The following DOCK5 variants were observed in gnomAD, a reference collection of about 807,000 sequenced individuals.
DOCK5 encodes dedicator of cytokinesis 5.
DOCK5 carries 142 observed loss-of-function variants against 251.8 expected under a neutral mutation model. The observed-to-expected ratio is 0.56, with a 90% CI of 0.49 to 0.65. The LOEUF (loss-of-function observed/expected upper bound fraction) is 0.65, where lower values mean the gene tolerates loss of function less well. Among genes scored for constraint, DOCK5 ranks in the 30% least tolerant of loss-of-function variants. DOCK5 has a pLI of 0.00. For synonymous variants in DOCK5, 842 were observed against 835.5 expected (o/e 1.01, Z -0.13); for missense variants, 2,111 against 2,312.3 (o/e 0.91, Z 1.79).
intron 1 of DOCK5, among the ~76,000 whole-genome samples, chr8:25,227,659 T>C (rs1326305834): frequency 1.3e-5 from 2 of 152,206 alleles, no homozygotes; most frequent in Non-Finnish European, 2.9e-5. Context: ...TGTTCAGTTA[T>C]TTAAAAAAGT....
intron 30 of DOCK5, among the ~76,000 whole-genome samples, chr8:25,365,612 A>G (rs1800762198): frequency 6.6e-6 from 1 of 152,192 alleles, no homozygotes; most frequent in Admixed American, 6.5e-5. Context: ...GTTACACCCT[A>G]TGTAAATGAA....
intron 2 of DOCK5, among the ~76,000 whole-genome samples, chr8:25,261,303 C>T (rs73558480): frequency 0.017 from 2,595 of 152,228 alleles, 94 homozygotes; most frequent in African/African-American, 0.059. Flanking sequence ...TAACTAATTG[C>T]TCACTGGAGA....
At chr8:25,271,173 A>T (rs4506225) in intron 3 of DOCK5, 185,151 of 209,826 alleles carry the variant, frequency 0.88, 83,482 homozygotes, top group Non-Finnish European at 0.96. Context: ...GATTTTTTTT[A>T]AATTTTTTTG....
chr8:25,408,868 C>T lies in DOCK5; in HGVS notation c.5332C>T (p.His1778Tyr). 6.2e-7 allele frequency: 1 copy of T among 1,614,016 alleles called. No homozygotes were observed. The highest frequency in any genetic ancestry group is 8.5e-7 in the Non-Finnish European group (1 of 1,179,888). The change falls in exon 50 of 52, where the codon CAC becomes TAC. Residue 1778 changes from histidine to tyrosine, a missense_variant. Transcript: ENST00000276440. ...QLMDNRLSPF[H>Y]GSSPPQSTPL... ...GATGGATAATCGGCTATCACCATTT[C>T]ACGGTTCTTCACCTCCTCAGTCAAC...
At position 25,374,567 on chromosome 8, in the gene DOCK5, T is replaced by C. The variant is rs1435288760; in HGVS notation, c.3729T>C (p.Tyr1243=). ...TTCCTTCTCCCCTTCTTGCCAGATA[T>C]CTGTACAAGCTTCGAGATTTGCACC... ...EKKREDIYIR[Y]LYKLRDLHRD... Residue 1243 remains tyrosine (Y), a synonymous_variant, in exon 37 of 52, where the codon TAT becomes TAC. Transcript: ENST00000276440. 1 of 1,600,720 alleles carries C rather than the reference T, an allele frequency of 6.2e-7. No individual in the cohort carries two copies. Among genetic ancestry groups the C allele is most frequent in the Non-Finnish European group, 8.5e-7 (1 of 1,176,008 alleles).
chr8:25,244,665 G>A (rs1042325332), intron 2 of DOCK5, among the ~76,000 whole-genome samples: 1 of 152,326 alleles, frequency 6.6e-6, no homozygotes, highest in Middle Eastern at 3.4e-3. Flanking sequence ...CAGGTTCCTA[G>A]GGTGGGATGG....
rs559242077 is a variant in DOCK5 at position 25,328,989 on chromosome 8, T to C, written c.1904-3262T>C. 5.3e-5 allele frequency among the ~76,000 whole-genome samples: 8 copies of C among 152,352 alleles called. No homozygotes were observed. The South Asian group carries it at 1.7e-3, about 32-fold the overall frequency. On this transcript the variant is annotated intron_variant, in intron 18 of 51. Coordinates refer to ENST00000276440, the MANE Select transcript of DOCK5 (RefSeq NM_024940.8). Reference sequence around the variant, plus strand: ...GACTTGTATTTTGAAAGCAGCTCTTTGTAGCTCCAAACAGTTTATAGTTTA... The same window carrying C: ...GACTTGTATTTTGAAAGCAGCTCTTCGTAGCTCCAAACAGTTTATAGTTTA...
At chr8:25,309,182 C>T (rs1051750209) in intron 12 of DOCK5, among the ~76,000 whole-genome samples, 164 of 152,062 alleles carry the variant, frequency 1.1e-3, no homozygotes, top group Non-Finnish European at 5.4e-4. Context: ...ACTCTTTATT[C>T]ATTTATTTAT....
At chr8:25,203,063 A>C (rs779599208) in intron 1 of DOCK5, among the ~76,000 whole-genome samples, 11 of 152,152 alleles carry the variant, frequency 7.2e-5, no homozygotes, top group Non-Finnish European at 1.5e-4. Flanking sequence ...AGTGCTACCA[A>C]ATACATCTCC....
chr8:25,306,913 C>T (rs990100136), intron 11 of DOCK5, among the ~76,000 whole-genome samples: 1 of 152,120 alleles, frequency 6.6e-6, no homozygotes. Context: ...TAGACTACTA[C>T]ACACCTACGC....
chr8:25,289,417 G>C (rs1804426948), intron 5 of DOCK5, among the ~76,000 whole-genome samples: 2 of 151,726 alleles, frequency 1.3e-5, no homozygotes, highest in Non-Finnish European at 2.9e-5. Context: ...CTCCCAAAGT[G>C]CTGGGATTAC....
chr8:25,354,049 CAAACAAAAA>C (rs1346067877), intron 27 of DOCK5, among the ~76,000 whole-genome samples: 13 of 23,262 alleles, frequency 5.6e-4, no homozygotes, highest in Non-Finnish European at 8.7e-4. Context: ...AAAAAAAAAA[CAAACAAAAA>C]AAAAAACGTA....
At chr8:25,221,060 G>A (rs980351907) in intron 1 of DOCK5, among the ~76,000 whole-genome samples, 9 of 152,086 alleles carry the variant, frequency 5.9e-5, no homozygotes, top group African/African-American at 2.2e-4. Flanking sequence ...TCTCCAGTCT[G>A]TCCCTAACTG....
intron 46 of DOCK5, 116 bp downstream of exon 46, chr8:25,400,110 C>A: frequency 2.5e-6 from 2 of 792,590 alleles, no homozygotes; most frequent in South Asian, 1.7e-5. Flanking sequence ...TTTTTTTAAC[C>A]CTTGTGAAAG....
intron 6 of DOCK5, 31 bp from the exon 7 acceptor site, chr8:25,296,482 G>A (rs767942865): frequency 1.3e-6 from 2 of 1,594,814 alleles, no homozygotes; most frequent in African/African-American, 1.3e-5. Context: ...CCCTGGTGAG[G>A]AGAACCAGCT....
chr8:25,407,870 A>C, intron 48 of DOCK5, 113 bp from the exon 49 acceptor site: 2 of 417,442 alleles, frequency 4.8e-6, no homozygotes, highest in Non-Finnish European at 6.8e-6. Flanking sequence ...GTCTCAAAAA[A>C]AAAAAAAAAA....
chr8:25,239,635 C>T (rs1357844179), intron 1 of DOCK5, among the ~76,000 whole-genome samples: 2 of 151,972 alleles, frequency 1.3e-5, no homozygotes, highest in African/African-American at 2.4e-5. Flanking sequence ...GCAGGCAGAG[C>T]ATTTGCGTAA....
At chr8:25,383,811 C>A (rs1801111845) in intron 40 of DOCK5, among the ~76,000 whole-genome samples, 1 of 152,084 alleles carries the variant, frequency 6.6e-6, no homozygotes, top group South Asian at 2.1e-4. Context: ...GCCGAGATCA[C>A]ACCACTGCAC....
rs534733802 is a variant in DOCK5, at chr8:25,404,160, G to A, written c.5093+436G>A. 7.2e-5 allele frequency among the ~76,000 whole-genome samples: 11 copies of A among 152,206 alleles called. No individual in the cohort carries two copies. The East Asian group carries it at 2.1e-3, about 29-fold the overall frequency. On this transcript the variant is annotated intron_variant, in intron 48 of 51. Coordinates refer to ENST00000276440, the MANE Select transcript of DOCK5 (RefSeq NM_024940.8). The stretch of plus-strand genomic sequence containing the variant: ...GATGATGCTAACATTCAGGTTCTTG[G>A]TAGCCCCATGGCAGCTCTTTATAGG...
Sources: allele counts gnomAD v4.1 joint callset (sites outside exome capture counted in the v4.1 genomes callset), GRCh38; gene constraint gnomAD v4.1.1; transcripts MANE v1.5; gene names NCBI Gene and HGNC (gene_info 2026-07-23, HGNC 2026-07-21).